Variants in PRKCSH observed in about 807,000 individuals in gnomAD.
PRKCSH encodes glucosidase 2 subunit beta.
In PRKCSH, 42 loss-of-function variants were observed where a neutral mutation model predicts 79.7. The observed-to-expected ratio is 0.53, with a 90% CI of 0.41 to 0.68. PRKCSH has a LOEUF of 0.68. Ranked by LOEUF, PRKCSH falls within the 30% of genes least tolerant of loss-of-function variation. The pLI, the probability that PRKCSH is intolerant of heterozygous loss-of-function variation, is 0.00. For missense variants in PRKCSH, 686 were observed against 709.0 expected (o/e 0.97, Z 0.37); for synonymous variants, 325 against 288.2 (o/e 1.13, Z -1.29).
Position 11,448,185 on chromosome 19 carries a change from G to A in PRKCSH, c.1127-37G>A, listed in dbSNP as rs1406358730. On this transcript the variant is annotated intron_variant, in intron 12 of 17. Transcript: ENST00000677123. This position sits in a 1 kb window ranked among gnomAD's most constrained non-coding sequence, Gnocchi z 4.4. Reference sequence around the variant, plus strand: ...CCCCGTTCCCCATCCTCCTGGATGGGGTTGAGGACATCTCTGACCTCCAAC... The same window carrying A: ...CCCCGTTCCCCATCCTCCTGGATGGAGTTGAGGACATCTCTGACCTCCAAC... 1 of 1,544,268 alleles carries A rather than the reference G, an allele frequency of 6.5e-7. No homozygotes were observed. The highest frequency in any genetic ancestry group is 2.0e-5 in the Admixed American group (1 of 51,032).
Position 11,447,383 on chromosome 19 carries a change from T to G in PRKCSH, c.850-56T>G. The stretch of plus-strand genomic sequence containing the variant: ...TGCCCCTTGGGCTGTGGTGTGAGCC[T>G]GAGGGTGTGGGTGGACCCTGAGTCC... On this transcript the variant is annotated intron_variant, in intron 10 of 17. Coordinates refer to ENST00000677123, the MANE Select transcript of PRKCSH (RefSeq NM_001289104.2). This position sits in a 1 kb window ranked among gnomAD's most constrained non-coding sequence, Gnocchi z 5.6. The G allele has an allele frequency of 1.3e-6, 2 of 1,576,982 alleles. No individual in the cohort carries two copies. The highest frequency in any genetic ancestry group is 1.1e-5 in the South Asian group (1 of 89,588).
chr19:11,443,429 C>T (rs1568365599), intron 7 of PRKCSH, among the ~76,000 whole-genome samples: 1 of 152,050 alleles, frequency 6.6e-6, no homozygotes, highest in East Asian at 1.9e-4. Context: ...CCTGTAATCC[C>T]AGCTACTCGG....
chr19:11,445,577 C>T (rs937458322), intron 8 of PRKCSH, 104 bp downstream of exon 8: 113 of 1,146,764 alleles, frequency 9.9e-5, no homozygotes, highest in Non-Finnish European at 1.1e-4. Context: ...TGGGTTCCCC[C>T]GGCGTGGGGT....
At position 11,448,367 on chromosome 19, in the gene PRKCSH, G is replaced by A; in HGVS notation, c.1196+76G>A. 6.5e-7 allele frequency: 1 copy of A among 1,528,320 alleles called. No homozygotes were observed. Among genetic ancestry groups the A allele is most frequent in the Non-Finnish European group, 8.9e-7 (1 of 1,124,372 alleles). 94.7% of individuals were successfully genotyped at this position (1,528,320 alleles called of 1,614,324 possible). A position where few individuals can be genotyped will look rare whatever the true frequency, so the allele number is the denominator to read the frequency against. Reference sequence around the variant, plus strand: ...GACTCCCAGGGGAGCTGGTGATGGGGAATCACTGAGGCAACCACAGGCTGG... The same window carrying A: ...GACTCCCAGGGGAGCTGGTGATGGGAAATCACTGAGGCAACCACAGGCTGG... On this transcript the variant is annotated intron_variant, in intron 13 of 17. Transcript: ENST00000677123. This position sits in a 1 kb window ranked among gnomAD's most constrained non-coding sequence, Gnocchi z 4.4.
chr19:11,436,932 A>G (rs1386577814), intron 3 of PRKCSH, among the ~76,000 whole-genome samples: 2 of 152,068 alleles, frequency 1.3e-5, no homozygotes, highest in Admixed American at 1.3e-4. Flanking sequence ...ATCGTAGCTC[A>G]CTGCAGCCTG....
intron 8 of PRKCSH, 66 bp downstream of exon 8, chr19:11,445,539 C>T (rs1336581088): frequency 9.9e-6 from 15 of 1,512,136 alleles, no homozygotes; most frequent in South Asian, 2.3e-5. Flanking sequence ...CCGCCACCCT[C>T]GCCTCTAGAA....
chr19:11,447,052 A>G lies in PRKCSH; in HGVS notation c.763-22A>G, dbSNP rs1226649926. On this transcript the variant is annotated intron_variant, in intron 9 of 17. Transcript: ENST00000677123. The surrounding 1 kb of genome is among the most constrained non-coding windows in gnomAD (Gnocchi z 5.6). ...GGGACACGTGGTGGCCTAGATCTTG[A>G]CACCACCCCCAACACACACAGGCCC... The G allele has an allele frequency of 6.2e-7, 1 of 1,611,526 alleles. No individual in the cohort carries two copies. Among genetic ancestry groups the G allele is most frequent in the Non-Finnish European group, 8.5e-7 (1 of 1,177,840 alleles).
intron 3 of PRKCSH, among the ~76,000 whole-genome samples, chr19:11,437,494 G>A (rs1373277213): frequency 6.6e-6 from 1 of 152,096 alleles, no homozygotes; most frequent in Non-Finnish European, 1.5e-5. Context: ...TGGGATTACA[G>A]GCACATGCCA....
intron 7 of PRKCSH, among the ~76,000 whole-genome samples, 167 bp from the exon 8 acceptor site, chr19:11,445,222 T>TC (rs1336095859): frequency 6.6e-6 from 1 of 152,172 alleles, no homozygotes; most frequent in Admixed American, 6.5e-5. Context: ...TCGTCTGTTC[T>TC]CCCCTGGTAA....
At chr19:11,436,777 C>T (rs1219400499) in intron 3 of PRKCSH, 5 of 450,518 alleles carry the variant, frequency 1.1e-5, no homozygotes, top group Non-Finnish European at 1.6e-5. Flanking sequence ...TCAACACGGG[C>T]AAACCCCTAG....
chr19:11,436,023 TC>T lies in PRKCSH; in HGVS notation c.-77-16del. On this transcript the variant is annotated splice_polypyrimidine_tract_variant and intron_variant, in intron 1 of 17. Coordinates refer to ENST00000677123, the MANE Select transcript of PRKCSH (RefSeq NM_001289104.2). The stretch of plus-strand genomic sequence containing the variant: ...AGTAGCCCTCTCCCACTGACCGGGA[TC>T]CGCTTTCTTCCTGCAGCGTGAAGAC... 1 of 1,527,544 alleles carries T rather than the reference TC, an allele frequency of 6.5e-7. No homozygotes were observed. The highest frequency in any genetic ancestry group is 9.0e-7 in the Non-Finnish European group (1 of 1,115,718). 94.6% of individuals were successfully genotyped at this position (1,527,544 alleles called of 1,614,324 possible). A position where few individuals can be genotyped will look rare whatever the true frequency, so the allele number is the denominator to read the frequency against.
Position 11,436,202 on chromosome 19 carries a change from T to TCCTCCTGTTGAC in PRKCSH, c.79+15_79+16insGACCCTCCTGTT, listed in dbSNP as rs1969724525. 6.8e-7 allele frequency: 1 copy of TCCTCCTGTTGAC among 1,474,332 alleles called. No homozygotes were observed. The highest frequency in any genetic ancestry group is 1.4e-5 in the African/African-American group (1 of 73,232). 91.3% of individuals were successfully genotyped at this position (1,474,332 alleles called of 1,614,324 possible). Reference sequence around the variant, plus strand: ...CCGGGGCGTCTCCCTCACCAGTGAGTCCTCCTGTTCACCCTCCCGCCAGGC... The same window carrying TCCTCCTGTTGAC: ...CCGGGGCGTCTCCCTCACCAGTGAGTCCTCCTGTTGACCCTCCTGTTCACCCTCCCGCCAGGC... On this transcript the variant is annotated splice_region_variant and intron_variant, in intron 2 of 17. Transcript: ENST00000677123.
At position 11,448,264 on chromosome 19, in the gene PRKCSH, C is replaced by T. The variant is rs748624848; in HGVS notation, c.1169C>T (p.Ser390Leu). ...ARNKFEEAER[S>L]LKDMEESIRN... ...AACAAGTTCGAGGAGGCCGAGCGGTCGCTGAAGGACATGGAGGAGTCCATC... is the reference window on the plus strand; with the variant it reads ...AACAAGTTCGAGGAGGCCGAGCGGTTGCTGAAGGACATGGAGGAGTCCATC... Residue 390 changes from serine to leucine, a missense_variant, in exon 13 of 18, where the codon TCG becomes TTG. By Grantham distance (145) the Ser-to-Leu change is moderately radical. Around this residue, in one of 2 missense-constraint regions of PRKCSH, gnomAD observed 549 missense variants for 520.2 expected, o/e 1.06. Coordinates refer to ENST00000677123, the MANE Select transcript of PRKCSH (RefSeq NM_001289104.2). This position sits in a 1 kb window ranked among gnomAD's most constrained non-coding sequence, Gnocchi z 4.4. 37 of 1,570,878 alleles carry T rather than the reference C, an allele frequency of 2.4e-5. No individual in the cohort carries two copies. Among genetic ancestry groups the T allele is most frequent in the East Asian group, 7.0e-5 (3 of 42,738 alleles).
At chr19:11,443,948 G>A (rs1020693308) in intron 7 of PRKCSH, among the ~76,000 whole-genome samples, 3 of 152,062 alleles carry the variant, frequency 2.0e-5, no homozygotes, top group Non-Finnish European at 4.4e-5. Context: ...GCTAATTTTT[G>A]TAGTTTTAGT....
rs374970694 is a variant in PRKCSH at position 11,449,340 on chromosome 19, G to A, written c.1536G>A (p.Glu512=). ...CCAGTCGCTGCGAGTACCTCATGGA[G>A]CTGATGACGCCAGCCGCCTGCCCGG... ...TEPSRCEYLM[E]LMTPAACPEP... is the part of the protein sequence containing the mutation. The change falls in exon 17 of 18, where the codon GAG becomes GAA. Residue 512 remains glutamate (E), a synonymous_variant. Coordinates refer to ENST00000677123, the MANE Select transcript of PRKCSH (RefSeq NM_001289104.2). The surrounding 1 kb of genome is among the most constrained non-coding windows in gnomAD (Gnocchi z 6.4). The A allele has an allele frequency of 2.7e-5, 43 of 1,613,424 alleles. No homozygotes were observed. The East Asian group carries it at 4.2e-4, about 16-fold the overall frequency.
At chr19:11,446,683 C>T (rs1599503229) in intron 9 of PRKCSH, among the ~76,000 whole-genome samples, 1 of 151,664 alleles carries the variant, frequency 6.6e-6, no homozygotes, top group Admixed American at 6.6e-5. Flanking sequence ...CCTCCTTCCC[C>T]GTGGCCCCTG....
intron 1 of PRKCSH, 60 bp downstream of exon 1, chr19:11,435,766 G>T: frequency 1.4e-6 from 2 of 1,385,144 alleles, no homozygotes; most frequent in South Asian, 1.2e-5. Context: ...CAACCGGAGG[G>T]TGCATGTGTG....
intron 5 of PRKCSH, among the ~76,000 whole-genome samples, chr19:11,438,766 A>C (rs1445868260): frequency 2.3e-5 from 3 of 132,856 alleles, no homozygotes; most frequent in African/African-American, 8.1e-5. Context: ...AAAAAAAAGC[A>C]AAAAAAAAAA....
chr19:11,440,821 GTTTT>G (rs534683840), intron 5 of PRKCSH, among the ~76,000 whole-genome samples: 308 of 152,078 alleles, frequency 2.0e-3, no homozygotes, highest in African/African-American at 7.2e-3. Context: ...GTCTTCTGTG[GTTTT>G]TTTATTTGTT....
Sources: gnomAD v4.1 joint callset for allele counts (sites outside exome capture counted in the v4.1 genomes callset) on GRCh38, gnomAD v4.1.1 for gene constraint, gnomAD v4.1.1 regional missense constraint, Gnocchi (gnomAD v3.1) non-coding constraint, MANE v1.5 for transcripts, NCBI Gene and HGNC (gene_info 2026-07-23, HGNC 2026-07-21) for gene names.